Variants in ESR1 observed in about 807,000 individuals in gnomAD.
ESR1 encodes estrogen receptor 1.
ESR1 carries 12 observed loss-of-function variants against 52.7 expected under a neutral mutation model. That is an observed-to-expected ratio of 0.23 (90% confidence interval 0.15 to 0.37). The LOEUF is 0.37. ESR1 is among the 10% of genes least tolerant of loss of function. The pLI is 1.00. For missense variants in ESR1, 584 were observed against 779.7 expected, an observed-to-expected ratio of 0.75 and a Z score of 2.99; for synonymous variants, 305 against 316.8, an observed-to-expected ratio of 0.96 and a Z score of 0.39.
At chr6:151,952,398 G>A (rs111971154) in intron 4 of ESR1, among the ~76,000 whole-genome samples, 1,531 of 152,124 alleles carry the variant, frequency 0.01, 14 homozygotes, top group Middle Eastern at 0.031. Flanking sequence ...CTTGGCCCAC[G>A]CTTTCCCCTG....
At chr6:152,034,229 G>A (rs560742090) in intron 5 of ESR1, among the ~76,000 whole-genome samples, 1 of 152,052 alleles carries the variant, frequency 6.6e-6, no homozygotes, top group South Asian at 2.1e-4. Context: ...CATGGCACAT[G>A]TATGCATATG....
chr6:151,743,849 C>T (rs1365234214), intron 2 of ESR1, among the ~76,000 whole-genome samples: 1 of 152,150 alleles, frequency 6.6e-6, no homozygotes, highest in East Asian at 1.9e-4. Context: ...GCAGCTTTCA[C>T]CACGAATTAA....
rs761698890 is a variant in ESR1 at position 151,807,884 on chromosome 6, G to T, written c.-29G>T. On this transcript the variant is annotated 5_prime_UTR_variant, in exon 1 of 8. Coordinates refer to ENST00000206249, the MANE Select transcript of ESR1 (RefSeq NM_000125.4). ...TGAGCCTTCTGCCCTGCGGGGACAC[G>T]GTCTGCACCCTGCCCGCGGCCACGG... 2.5e-6 allele frequency: 4 copies of T among 1,603,210 alleles called. No individual in the cohort carries two copies. Among genetic ancestry groups the T allele is most frequent in the Non-Finnish European group, 3.4e-6 (4 of 1,171,706 alleles).
intron 1 of ESR1, among the ~76,000 whole-genome samples, chr6:151,840,358 G>A (rs1277110833): frequency 2.0e-5 from 3 of 152,276 alleles, no homozygotes; most frequent in Admixed American, 2.0e-4. Context: ...ATGGGTAACA[G>A]AATATGAACT....
At chr6:151,970,317 C>T (rs1406223945) in intron 4 of ESR1, among the ~76,000 whole-genome samples, 3 of 152,010 alleles carry the variant, frequency 2.0e-5, no homozygotes, top group Non-Finnish European at 4.4e-5. Context: ...GTCTTTCTGT[C>T]GTAGCATACA....
At chr6:151,693,730 G>T (rs1162346421) in intron 1 of ESR1, among the ~76,000 whole-genome samples, 1 of 152,156 alleles carries the variant, frequency 6.6e-6, no homozygotes, top group East Asian at 1.9e-4. Context: ...CAATTCTCCT[G>T]CCTCAGCCTC....
intron 1 of ESR1, among the ~76,000 whole-genome samples, chr6:151,700,481 A>G (rs1172739148): frequency 6.6e-6 from 1 of 152,168 alleles, no homozygotes; most frequent in Admixed American, 6.5e-5. Flanking sequence ...TTCTAAAAAC[A>G]CAACTACCAA....
At chr6:152,012,463 T>A (rs1020767889) in intron 5 of ESR1, among the ~76,000 whole-genome samples, 1 of 152,034 alleles carries the variant, frequency 6.6e-6, no homozygotes, top group Non-Finnish European at 1.5e-5. Flanking sequence ...ACTTTACATA[T>A]ATTATCTCAT....
chr6:152,005,374 T>C (rs1437135101), intron 4 of ESR1, among the ~76,000 whole-genome samples: 2 of 152,184 alleles, frequency 1.3e-5, no homozygotes, highest in Non-Finnish European at 2.9e-5. Flanking sequence ...TTATCCTTTT[T>C]ATTAGGTTAT....
At chr6:151,657,824 A>G (rs555630640) in intron 1 of ESR1, among the ~76,000 whole-genome samples, 93 of 152,260 alleles carry the variant, frequency 6.1e-4, no homozygotes, top group Middle Eastern at 6.8e-3. Flanking sequence ...TTTTGGATGT[A>G]AAAAATGGTT....
intron 2 of ESR1, among the ~76,000 whole-genome samples, chr6:151,852,429 G>A (rs1421701008): frequency 2.0e-5 from 3 of 152,012 alleles, no homozygotes; most frequent in Non-Finnish European, 4.4e-5. Context: ...ACCAAACCTT[G>A]TAAGAAACAC....
chr6:151,800,924 GAAGA>G (rs1777173582), upstream of ESR1, among the ~76,000 whole-genome samples: 1 of 152,094 alleles, frequency 6.6e-6, no homozygotes, highest in African/African-American at 2.4e-5. Context: ...CACAAAATCG[GAAGA>G]AAGAGCTGAA....
upstream of ESR1, among the ~76,000 whole-genome samples, chr6:151,689,109 T>C (rs1778800000): frequency 6.6e-6 from 1 of 152,226 alleles, no homozygotes. Flanking sequence ...TGTTGCTCTA[T>C]GTAATTTTCA....
At chr6:151,707,102 A>G (rs1463681253) in intron 2 of ESR1, among the ~76,000 whole-genome samples, 1 of 152,240 alleles carries the variant, frequency 6.6e-6, no homozygotes, top group African/African-American at 2.4e-5. Context: ...CTGAACATGT[A>G]GAATTGACTA....
At chr6:151,730,680 G>C (rs1156699518) in intron 2 of ESR1, among the ~76,000 whole-genome samples, 1 of 152,186 alleles carries the variant, frequency 6.6e-6, no homozygotes, top group Non-Finnish European at 1.5e-5. Context: ...AGGATGGAGA[G>C]GGAGCAACAT....
At chr6:151,737,918 T>A (rs1782797633) in intron 2 of ESR1, among the ~76,000 whole-genome samples, 2 of 152,244 alleles carry the variant, frequency 1.3e-5, no homozygotes, top group Non-Finnish European at 2.9e-5. Flanking sequence ...TTAACATCTG[T>A]TAATTAGCTT....
intron 5 of ESR1, among the ~76,000 whole-genome samples, chr6:152,028,068 C>T (rs988937851): frequency 9.2e-5 from 14 of 152,082 alleles, no homozygotes; most frequent in Middle Eastern, 3.4e-3. Flanking sequence ...GGCCTGAATC[C>T]GGGAGGCAGA....
intron 3 of ESR1, among the ~76,000 whole-genome samples, chr6:151,912,529 C>G (rs1798423185): frequency 6.6e-6 from 1 of 151,998 alleles, no homozygotes; most frequent in South Asian, 2.1e-4. Flanking sequence ...GTTTCTAATC[C>G]CACCAAAGGA....
At chr6:151,701,548 A>AT (rs1291179701) in intron 1 of ESR1, among the ~76,000 whole-genome samples, 3 of 150,670 alleles carry the variant, frequency 2.0e-5, no homozygotes, top group African/African-American at 7.3e-5. Context: ...AAAAAAAAAA[A>AT]AAAAGAAGAA....
Sources: gnomAD v4.1 joint callset for allele counts (sites outside exome capture counted in the v4.1 genomes callset) on GRCh38, gnomAD v4.1.1 for gene constraint, MANE v1.5 for transcripts, NCBI Gene and HGNC (gene_info 2026-07-23, HGNC 2026-07-21) for gene names.